The following LRP1B variants were observed in gnomAD, a reference collection of about 807,000 sequenced individuals.
The protein encoded by LRP1B is LDL receptor related protein 1B.
In LRP1B, 217 loss-of-function variants were observed where a neutral mutation model predicts 556.6. That is an observed-to-expected ratio of 0.39 (90% CI 0.35 to 0.44). The LOEUF is 0.44. LRP1B is among the 20% of genes least tolerant of loss of function. LRP1B has a pLI of 1.00. For missense variants in LRP1B, 5,053 were observed against 5,620.8 expected (o/e 0.90, Z 3.23); for synonymous variants, 2,047 against 1,865.8 (o/e 1.10, Z -2.50).
At chr2:140,843,085 G>T (rs28687241) in intron 29 of LRP1B, among the ~76,000 whole-genome samples, 433 of 19,566 alleles carry the variant, frequency 0.022, 26 homozygotes, top group Middle Eastern at 0.062. Context: ...TTTTTTGTTT[G>T]TTTTTTTTTT....
intron 1 of LRP1B, among the ~76,000 whole-genome samples, chr2:142,033,961 G>A (rs1478038412): frequency 6.6e-6 from 1 of 151,712 alleles, no homozygotes; most frequent in East Asian, 1.9e-4. Flanking sequence ...TGATCCAGAG[G>A]CATCACATGA....
chr2:140,549,648 C>T (rs1252358168), intron 43 of LRP1B, among the ~76,000 whole-genome samples: 2 of 152,178 alleles, frequency 1.3e-5, no homozygotes, highest in Admixed American at 1.3e-4. Context: ...CCCTACTTTG[C>T]ATCTGGTGCT....
intron 2 of LRP1B, among the ~76,000 whole-genome samples, chr2:141,648,738 A>G (rs1689675636): frequency 6.6e-6 from 1 of 152,184 alleles, no homozygotes; most frequent in Admixed American, 6.5e-5. Context: ...GGTGTGAAAG[A>G]CAGAGATTAA....
At chr2:141,557,596 C>T (rs1686006455) in intron 2 of LRP1B, among the ~76,000 whole-genome samples, 1 of 151,908 alleles carries the variant, frequency 6.6e-6, no homozygotes, top group South Asian at 2.1e-4. Context: ...CACTGCCTTT[C>T]TCATTCATTC....
At chr2:140,680,313 G>C (rs1005070185) in intron 41 of LRP1B, among the ~76,000 whole-genome samples, 2 of 151,884 alleles carry the variant, frequency 1.3e-5, no homozygotes, top group Non-Finnish European at 2.9e-5. Flanking sequence ...CTTTGAGTTG[G>C]TCTTAAGTTG....
intron 2 of LRP1B, among the ~76,000 whole-genome samples, chr2:141,526,883 G>C (rs778139984): frequency 6.6e-6 from 1 of 152,014 alleles, no homozygotes; most frequent in Non-Finnish European, 1.5e-5. Flanking sequence ...AATTAAAATT[G>C]TGTTGCCATG....
chr2:141,607,156 C>CAA (rs10540068), intron 2 of LRP1B, among the ~76,000 whole-genome samples: 1 of 148,532 alleles, frequency 6.7e-6, no homozygotes, highest in African/African-American at 2.5e-5. Context: ...ATTACTTTGA[C>CAA]AAAAAAAAAA....
At chr2:141,230,086 G>T (rs1282406487) in intron 5 of LRP1B, among the ~76,000 whole-genome samples, 1 of 152,156 alleles carries the variant, frequency 6.6e-6, no homozygotes, top group African/African-American at 2.4e-5. Flanking sequence ...AGCTTTGCTG[G>T]TATTAGGACT....
intron 43 of LRP1B, among the ~76,000 whole-genome samples, chr2:140,555,049 T>C (rs1479312446): frequency 1.3e-5 from 2 of 152,030 alleles, no homozygotes; most frequent in Admixed American, 6.6e-5. Context: ...AATATTTCAA[T>C]GATTTTACTC....
intron 79 of LRP1B, among the ~76,000 whole-genome samples, chr2:140,326,947 C>G (rs1260238813): frequency 1.3e-5 from 2 of 151,994 alleles, no homozygotes; most frequent in African/African-American, 4.8e-5. Flanking sequence ...ATCATCAACA[C>G]AGAGAATATC....
intron 2 of LRP1B, among the ~76,000 whole-genome samples, chr2:141,547,222 A>G (rs2105223397): frequency 6.6e-6 from 1 of 152,176 alleles, no homozygotes; most frequent in Middle Eastern, 3.4e-3. Flanking sequence ...GAGACATATA[A>G]ATGCATTCCT....
At chr2:141,786,442 AT>A (rs1558874420) in intron 2 of LRP1B, among the ~76,000 whole-genome samples, 2 of 152,050 alleles carry the variant, frequency 1.3e-5, no homozygotes, top group South Asian at 2.1e-4. Flanking sequence ...CCGAAAACCA[AT>A]TTGAATATGA....
intron 3 of LRP1B, among the ~76,000 whole-genome samples, chr2:141,430,013 T>A (rs1195579899): frequency 6.6e-6 from 1 of 152,222 alleles, no homozygotes; most frequent in Non-Finnish European, 1.5e-5. Flanking sequence ...TATATTTCTC[T>A]CTTCACATTT....
At chr2:142,100,771 C>T (rs1574684811) in intron 1 of LRP1B, among the ~76,000 whole-genome samples, 1 of 151,930 alleles carries the variant, frequency 6.6e-6, no homozygotes, top group East Asian at 1.9e-4. Flanking sequence ...TTTAAGGATT[C>T]TTTAAGATGA....
chr2:140,440,743 A>ATGTGTGTGTGTGTGTGTGTG (rs375585057), intron 66 of LRP1B, among the ~76,000 whole-genome samples: 6,236 of 150,486 alleles, frequency 0.041, 179 homozygotes, highest in African/African-American at 0.086. Context: ...CTCTGTATGT[A>ATGTGTGTGTGTGTGTGTGTG]TGTGTGTGTG....
At chr2:141,497,110 C>A (rs1197348662) in intron 2 of LRP1B, among the ~76,000 whole-genome samples, 1 of 151,956 alleles carries the variant, frequency 6.6e-6, no homozygotes, top group African/African-American at 2.4e-5. Context: ...TTTGCAATTT[C>A]TCATATATTA....
intron 14 of LRP1B, among the ~76,000 whole-genome samples, chr2:141,008,261 A>C (rs1376185086): frequency 6.6e-6 from 1 of 151,500 alleles, no homozygotes; most frequent in Non-Finnish European, 1.5e-5. Context: ...CTTTACATAT[A>C]CATTATATTT....
chr2:140,236,237 A>G (rs1680692366), intron 89 of LRP1B, among the ~76,000 whole-genome samples: 1 of 150,964 alleles, frequency 6.6e-6, no homozygotes, highest in Non-Finnish European at 1.5e-5. Context: ...ACTAGACTGA[A>G]TATGTGGGAT....
intron 1 of LRP1B, among the ~76,000 whole-genome samples, chr2:141,881,497 T>TGGG (rs1237019389): frequency 6.6e-6 from 1 of 152,084 alleles, no homozygotes; most frequent in Non-Finnish European, 1.5e-5. Flanking sequence ...TGTTTGCCTC[T>TGGG]GGGGAGTAGG....
Sources: allele counts gnomAD v4.1 joint callset (sites outside exome capture counted in the v4.1 genomes callset), GRCh38; gene constraint gnomAD v4.1.1; transcripts MANE v1.5; gene names NCBI Gene and HGNC (gene_info 2026-07-23, HGNC 2026-07-21).